DGKZ: variants seen among roughly 807,000 people sequenced by gnomAD.
DGKZ encodes the protein diacylglycerol kinase zeta, also known as DAG kinase zeta.
DGKZ carries 45 observed loss-of-function variants against 142.5 expected under a neutral mutation model. That is an observed-to-expected ratio of 0.32 (90% CI 0.25 to 0.40). The LOEUF (loss-of-function observed/expected upper bound fraction) is 0.40, where lower values mean the gene tolerates loss of function less well. Among genes scored for constraint, DGKZ ranks in the 10% least tolerant of loss-of-function variants. DGKZ has a pLI of 1.00. For synonymous variants in DGKZ, 442 were observed against 527.0 expected (o/e 0.84, Z 2.21); for missense variants, 755 against 1,306.5 (o/e 0.58, Z 6.51).
intron 30 of DGKZ, 75 bp downstream of exon 30, chr11:46,379,643 G>T: frequency 1.4e-6 from 2 of 1,392,276 alleles, no homozygotes. Context: ...GGGAGCTGGG[G>T]CTGGGGGCTG....
upstream of DGKZ, among the ~76,000 whole-genome samples, chr11:46,347,181 C>CG (rs1278580449): frequency 1.3e-5 from 2 of 152,044 alleles, no homozygotes; most frequent in Non-Finnish European, 2.9e-5. This position sits in a 1 kb window ranked among gnomAD's most constrained non-coding sequence, Gnocchi z 6.4. Flanking sequence ...GCGGAGGGAT[C>CG]GGGGGAGGAA....
upstream of DGKZ, among the ~76,000 whole-genome samples, chr11:46,344,505 G>A (rs1940444428): frequency 6.7e-6 from 1 of 148,530 alleles, no homozygotes. Flanking sequence ...CCAGGCTGGA[G>A]TGCAGTGGCG....
At chr11:46,337,443 C>T (rs1359514763) in intron 1 of DGKZ, among the ~76,000 whole-genome samples, 2 of 151,756 alleles carry the variant, frequency 1.3e-5, no homozygotes, top group African/African-American at 4.8e-5. Flanking sequence ...CTACAGGCGC[C>T]CACCACCACG....
In DGKZ at chr11:46,372,542, T is replaced by G; in HGVS notation, c.1010+32T>G. On this transcript the variant is annotated intron_variant, in intron 11 of 30. Transcript: ENST00000527911. This position sits in a 1 kb window ranked among gnomAD's most constrained non-coding sequence, Gnocchi z 5.9. ...ACTTGCCAAGGTTTTGTGGGGGACA[T>G]GGGGGGGAACTTGCCTCACTCCTGG... The G allele has an allele frequency of 1.9e-6, 3 of 1,613,696 alleles. No individual in the cohort carries two copies. Among genetic ancestry groups the G allele is most frequent in the Non-Finnish European group, 2.5e-6 (3 of 1,179,856 alleles).
At chr11:46,333,783 C>A (rs575346846) in intron 1 of DGKZ, among the ~76,000 whole-genome samples, 89 of 152,168 alleles carry the variant, frequency 5.8e-4, no homozygotes, top group Non-Finnish European at 8.8e-4. Context: ...CCTCTATCTG[C>A]TGGGGAGAGC....
intron 1 of DGKZ, among the ~76,000 whole-genome samples, chr11:46,334,737 C>T (rs982623557): frequency 6.6e-5 from 10 of 152,192 alleles, no homozygotes; most frequent in African/African-American, 9.7e-5. Flanking sequence ...CAGAACACCA[C>T]GCCCAGGGGA....
At chr11:46,345,230 C>T, upstream of DGKZ, 2 of 1,345,642 alleles carry the variant, frequency 1.5e-6, no homozygotes, top group Non-Finnish European at 1.9e-6. The surrounding 1 kb of genome is among the most constrained non-coding windows in gnomAD (Gnocchi z 4.1). Context: ...GGCTTGTCCC[C>T]ACCTGCCCCT....
chr11:46,374,725 C>G, intron 17 of DGKZ, 41 bp from the exon 18 acceptor site: 2 of 1,612,080 alleles, frequency 1.2e-6, no homozygotes, highest in Non-Finnish European at 1.7e-6. Flanking sequence ...GCGGAGGCCA[C>G]CTGGCACATG....
chr11:46,365,320 C>T (rs550545183), intron 1 of DGKZ: 6 of 985,386 alleles, frequency 6.1e-6, no homozygotes, highest in Admixed American at 6.1e-5. Flanking sequence ...AAGGGTTTCC[C>T]GGCATCACCC....
At chr11:46,373,934 CAG>C (rs1182904307) in intron 14 of DGKZ, among the ~76,000 whole-genome samples, 1 of 152,260 alleles carries the variant, frequency 6.6e-6, no homozygotes, top group African/African-American at 2.4e-5. Context: ...GGGGAGCTGA[CAG>C]GGAAGAGATG....
upstream of DGKZ, among the ~76,000 whole-genome samples, chr11:46,345,742 G>C (rs1940549632): frequency 6.6e-6 from 1 of 152,206 alleles, no homozygotes. The surrounding 1 kb of genome is among the most constrained non-coding windows in gnomAD (Gnocchi z 4.1). Context: ...GCAGGGTGCA[G>C]GGAGCTCTGA....
chr11:46,379,520 C>G, exon 30 of DGKZ: 1 of 1,611,778 alleles, frequency 6.2e-7, no homozygotes, highest in Non-Finnish European at 8.5e-7. Context: ...GCACCATCTG[C>G]CACTACATCG....
chr11:46,369,566 G>A lies in DGKZ; in HGVS notation c.501+16G>A, dbSNP rs1345408052. The A allele has an allele frequency of 1.2e-6, 2 of 1,612,136 alleles. No homozygotes were observed. The highest frequency in any genetic ancestry group is 2.2e-5 in the East Asian group (1 of 44,882). ...TGTCCGCGAGGTAAGTGCCCAGGGTGGTCAGGGATGGGGCCACCCTAAGAT... is the reference window on the plus strand; with the variant it reads ...TGTCCGCGAGGTAAGTGCCCAGGGTAGTCAGGGATGGGGCCACCCTAAGAT... On this transcript the variant is annotated intron_variant, in intron 5 of 30. Transcript: ENST00000527911.
upstream of DGKZ, among the ~76,000 whole-genome samples, chr11:46,347,081 G>A (rs762629693): frequency 6.6e-6 from 1 of 152,194 alleles, no homozygotes. This position sits in a 1 kb window ranked among gnomAD's most constrained non-coding sequence, Gnocchi z 6.4. Context: ...GAGATTGTGA[G>A]TGGCTATGAG....
chr11:46,367,494 A>G lies in DGKZ; in HGVS notation c.270+95A>G. 7.0e-7 allele frequency: 1 copy of G among 1,425,638 alleles called. No homozygotes were observed. The highest frequency in any genetic ancestry group is 9.6e-7 in the Non-Finnish European group (1 of 1,041,340). 88.3% of individuals were successfully genotyped at this position (1,425,638 alleles called of 1,614,324 possible). ...GGCACTAAAGGCAGCTGGGAGAGCC[A>G]AGCCTGGAAGGGTTGGGACAGTGGG... On this transcript the variant is annotated intron_variant, in intron 2 of 30. Transcript: ENST00000527911. The surrounding 1 kb of genome is among the most constrained non-coding windows in gnomAD (Gnocchi z 4.1).
At chr11:46,336,613 G>T (rs572080724) in intron 1 of DGKZ, among the ~76,000 whole-genome samples, 2 of 152,266 alleles carry the variant, frequency 1.3e-5, no homozygotes, top group East Asian at 3.9e-4. Context: ...CTCACTGTGT[G>T]TGTCACCCAG....
Position 46,333,574 on chromosome 11 carries a change from G to C in DGKZ, c.212+87G>C. On this transcript the variant is annotated intron_variant, in intron 1 of 30. Transcript: ENST00000343674. ...TTGCACAAACGTTTATTGTGCGCCC[G>C]CCGCCTGCCTGGCGCTGGGAGTTTA... is the stretch of plus-strand genomic sequence containing the variant. The C allele has an allele frequency of 2.4e-6, 3 of 1,260,146 alleles. No individual in the cohort carries two copies. In the Admixed American group the frequency reaches 6.3e-5, roughly 27 times the overall value. 78.1% of individuals were successfully genotyped at this position (1,260,146 alleles called of 1,614,324 possible). A position where few individuals can be genotyped will look rare whatever the true frequency, so the allele number is the denominator to read the frequency against.
At chr11:46,363,791 A>G (rs1314049999) in intron 1 of DGKZ, among the ~76,000 whole-genome samples, 2 of 152,198 alleles carry the variant, frequency 1.3e-5, no homozygotes, top group Admixed American at 1.3e-4. Context: ...AGGAAAGCTG[A>G]CACCCTGGGG....
Position 46,369,581 on chromosome 11 carries a change from C to T in DGKZ, c.501+31C>T, listed in dbSNP as rs776241005. 7 of 1,611,474 alleles carry T rather than the reference C, an allele frequency of 4.3e-6. No individual in the cohort carries two copies. The Admixed American group carries it at 8.3e-5, about 19-fold the overall frequency. On this transcript the variant is annotated intron_variant, in intron 5 of 30. Coordinates refer to ENST00000527911, the Ensembl canonical transcript of DGKZ. ...TGCCCAGGGTGGTCAGGGATGGGGC[C>T]ACCCTAAGATTCCTGCATGGGCCTC...
Sources: allele counts gnomAD v4.1 joint callset (sites outside exome capture counted in the v4.1 genomes callset), GRCh38; gene constraint gnomAD v4.1.1; non-coding constraint Gnocchi (gnomAD v3.1); transcripts MANE v1.5; gene names NCBI Gene and HGNC (gene_info 2026-07-23, HGNC 2026-07-21).